Variants in PHLDB2 observed in about 807,000 individuals in gnomAD.
The protein encoded by PHLDB2 is pleckstrin homology like domain family B member 2.
PHLDB2 carries 71 observed loss-of-function variants against 123.6 expected under a neutral mutation model. The observed-to-expected ratio is 0.57, with a 90% CI of 0.47 to 0.70. PHLDB2 has a LOEUF of 0.70. Ranked by LOEUF, PHLDB2 falls within the 30% of genes least tolerant of loss-of-function variation. The probability of loss-of-function intolerance (pLI) is 0.00; values close to 1 mark genes in which losing one functional copy is unlikely to be tolerated. For missense variants in PHLDB2, 1,446 were observed against 1,519.5 expected (o/e 0.95, Z 0.80); for synonymous variants, 547 against 541.6 (o/e 1.01, Z -0.14).
At chr3:111,949,167 G>A in intron 10 of PHLDB2, 92 bp downstream of exon 10, 1 of 1,433,762 alleles carries the variant, frequency 7.0e-7, no homozygotes, top group South Asian at 1.2e-5. Context: ...ACGAGAACGT[G>A]CATGACAAAT....
upstream of PHLDB2, among the ~76,000 whole-genome samples, chr3:111,856,502 G>A (rs755914501): frequency 3.9e-5 from 6 of 152,168 alleles, no homozygotes; most frequent in African/African-American, 9.7e-5. Context: ...TACCGGATAC[G>A]TATACAATAG....
At chr3:111,859,971 C>T in intron 1 of PHLDB2, 7 of 922,876 alleles carry the variant, frequency 7.6e-6, no homozygotes, top group Non-Finnish European at 9.0e-6. Flanking sequence ...CCAGGCTGCG[C>T]AGCTGGGTGG....
chr3:111,948,882 G>A, intron 9 of PHLDB2, 50 bp from the exon 10 acceptor site: 14 of 1,583,966 alleles, frequency 8.8e-6, no homozygotes, highest in Non-Finnish European at 1.2e-5. Flanking sequence ...ACTCTCGCAT[G>A]CCTCAGCTTT....
At chr3:111,813,590 A>G (rs2061941476) in intron 1 of PHLDB2, among the ~76,000 whole-genome samples, 1 of 152,232 alleles carries the variant, frequency 6.6e-6, no homozygotes, top group Admixed American at 6.5e-5. Flanking sequence ...AATTATACAA[A>G]TCTTTGGAAT....
At chr3:111,882,024 T>TTA (rs1055485713) in intron 1 of PHLDB2, among the ~76,000 whole-genome samples, 1 of 152,164 alleles carries the variant, frequency 6.6e-6, no homozygotes, top group Non-Finnish European at 1.5e-5. Flanking sequence ...GCTGCCCTGA[T>TTA]TATATATATG....
chr3:111,863,802 G>A (rs2064944598), intron 1 of PHLDB2, among the ~76,000 whole-genome samples: 1 of 152,210 alleles, frequency 6.6e-6, no homozygotes, highest in Non-Finnish European at 1.5e-5. Context: ...GTGAATGGCT[G>A]TTTATAGAAA....
chr3:111,892,904 C>G (rs960771454), intron 2 of PHLDB2, among the ~76,000 whole-genome samples: 3 of 152,102 alleles, frequency 2.0e-5, no homozygotes, highest in African/African-American at 4.8e-5. Context: ...ATCTCTGAAA[C>G]GTGGTCAGAT....
At chr3:111,864,657 A>C (rs2064982321) in intron 1 of PHLDB2, among the ~76,000 whole-genome samples, 1 of 152,264 alleles carries the variant, frequency 6.6e-6, no homozygotes, top group South Asian at 2.1e-4. Context: ...GGTAATTGCT[A>C]TACAAAGAAA....
chr3:111,897,061 A>G (rs1269342679), intron 2 of PHLDB2, among the ~76,000 whole-genome samples: 3 of 152,150 alleles, frequency 2.0e-5, no homozygotes, highest in African/African-American at 7.2e-5. Context: ...TAACACCACA[A>G]CGGTCTCTCA....
intron 1 of PHLDB2, among the ~76,000 whole-genome samples, chr3:111,817,536 C>T (rs1333942945): frequency 2.0e-5 from 3 of 152,180 alleles, no homozygotes; most frequent in Admixed American, 6.5e-5. Context: ...AAATCCTTTA[C>T]ACTACCATCT....
intron 1 of PHLDB2, among the ~76,000 whole-genome samples, chr3:111,880,136 G>A (rs1056299101): frequency 4.0e-5 from 6 of 151,830 alleles, no homozygotes; most frequent in Non-Finnish European, 8.8e-5. Context: ...TGGCTTTCAT[G>A]GCCTTTTCTA....
intron 5 of PHLDB2, among the ~76,000 whole-genome samples, chr3:111,929,889 A>C (rs928203948): frequency 9.3e-5 from 14 of 151,148 alleles, no homozygotes; most frequent in Non-Finnish European, 1.8e-4. Flanking sequence ...CCTCGGAAGT[A>C]AGGCACTATT....
Position 111,947,966 on chromosome 3 carries a change from T to C in PHLDB2, c.2488-966T>C, listed in dbSNP as rs1404804989. On this transcript the variant is annotated intron_variant, in intron 9 of 17. Transcript: ENST00000431670. ...TTTCAGCTTTAAAAGAGAGGTGTTA[T>C]TTTATATAGCTTTTTCACACTGTTT... Among the ~76,000 whole-genome samples, 25 of 152,244 alleles carry C rather than the reference T, an allele frequency of 1.6e-4. 1 individual carries two copies. The highest frequency in any genetic ancestry group is 3.4e-4 in the Non-Finnish European group (23 of 68,032).
At chr3:111,923,836 A>G in intron 5 of PHLDB2, among the ~76,000 whole-genome samples, 1 of 152,174 alleles carries the variant, frequency 6.6e-6, no homozygotes, top group South Asian at 2.1e-4. Flanking sequence ...TCTATTATGA[A>G]AATCTCTTAT....
At chr3:111,944,900 C>T (rs1029426693) in intron 8 of PHLDB2, among the ~76,000 whole-genome samples, 4 of 152,034 alleles carry the variant, frequency 2.6e-5, no homozygotes, top group African/African-American at 4.8e-5. Context: ...GTCTCAATCT[C>T]GACCTCATGA....
chr3:111,949,390 T>A (rs1171160617), intron 10 of PHLDB2, among the ~76,000 whole-genome samples: 2 of 152,180 alleles, frequency 1.3e-5, no homozygotes, highest in Non-Finnish European at 2.9e-5. Flanking sequence ...TTTCTAAAAT[T>A]GTTGATTTGA....
intron 1 of PHLDB2, among the ~76,000 whole-genome samples, chr3:111,742,592 A>C (rs1382440211): frequency 2.6e-5 from 4 of 151,942 alleles, no homozygotes; most frequent in Non-Finnish European, 4.4e-5. Flanking sequence ...TAGTTTGCTG[A>C]GAATGATGGT....
At chr3:111,770,858 C>G (rs2060164685) in intron 1 of PHLDB2, among the ~76,000 whole-genome samples, 1 of 152,188 alleles carries the variant, frequency 6.6e-6, no homozygotes, top group Non-Finnish European at 1.5e-5. Context: ...GAGGGCTGGT[C>G]AAGGATCTGA....
intron 2 of PHLDB2, chr3:111,911,590 G>GT (rs1236673306): frequency 1.4e-5 from 22 of 1,531,230 alleles, no homozygotes; most frequent in Non-Finnish European, 1.8e-5. Context: ...AGATAAATAA[G>GT]TACCAGGGCT....
Sources: gnomAD v4.1 joint callset for allele counts (sites outside exome capture counted in the v4.1 genomes callset) on GRCh38, gnomAD v4.1.1 for gene constraint, MANE v1.5 for transcripts, NCBI Gene and HGNC (gene_info 2026-07-23, HGNC 2026-07-21) for gene names.